Variants in NEO1 observed in about 807,000 individuals in gnomAD.
The protein encoded by NEO1 is neogenin 1.
Under a neutral mutation model 159.7 loss-of-function variants are expected in NEO1, and 63 were observed. The observed-to-expected ratio is 0.39, with a 90% CI of 0.32 to 0.49. The LOEUF (loss-of-function observed/expected upper bound fraction) is 0.49, where lower values mean the gene tolerates loss of function less well. Ranked by LOEUF, NEO1 falls within the 20% of genes least tolerant of loss-of-function variation. The pLI, the probability that NEO1 is intolerant of heterozygous loss-of-function variation, is 0.85. For missense variants in NEO1, 1,615 were observed against 1,831.0 expected (o/e 0.88, Z 2.15); for synonymous variants, 633 against 662.0 (o/e 0.96, Z 0.67).
rs571601916 is a variant in NEO1, at chr15:73,067,975, G to A, written c.130+15170G>A. Among the ~76,000 whole-genome samples the A allele has an allele frequency of 2.0e-5, 3 of 152,200 alleles. No individual in the cohort carries two copies. The South Asian group carries it at 6.2e-4, about 32-fold the overall frequency. ...CTGTTCTAATATTTCAGGTATAGAT[G>A]AAAGAAGAGAAAGTTTTAGATTTGC... On this transcript the variant is annotated intron_variant, in intron 1 of 28. Transcript: ENST00000261908.
chr15:73,121,100 A>C (rs2071620125), intron 2 of NEO1, among the ~76,000 whole-genome samples: 1 of 152,186 alleles, frequency 6.6e-6, no homozygotes, highest in South Asian at 2.1e-4. Context: ...AGATAACCAC[A>C]GATGTCCATC....
intron 1 of NEO1, among the ~76,000 whole-genome samples, chr15:73,064,764 G>A (rs1255663134): frequency 6.6e-6 from 1 of 152,080 alleles, no homozygotes; most frequent in Non-Finnish European, 1.5e-5. Context: ...ACTACACTTG[G>A]CCCTGTAGTC....
chr15:73,095,184 G>A (rs1197528329), intron 1 of NEO1, among the ~76,000 whole-genome samples: 2 of 150,892 alleles, frequency 1.3e-5, no homozygotes, highest in African/African-American at 4.9e-5. Flanking sequence ...ACTCCAGCCT[G>A]GCGACAGAGT....
chr15:73,107,521 T>C (rs2070754159), intron 1 of NEO1, among the ~76,000 whole-genome samples: 1 of 152,206 alleles, frequency 6.6e-6, no homozygotes. Context: ...AATACTAGTA[T>C]CATTGCCCAT....
intron 7 of NEO1, among the ~76,000 whole-genome samples, chr15:73,213,129 A>G (rs1174257026): frequency 6.6e-6 from 1 of 152,174 alleles, no homozygotes; most frequent in Admixed American, 6.5e-5. Context: ...ATTTTTCAAT[A>G]AAAAGATGAA....
At chr15:73,257,132 C>CAAAAAAAGAAAA (rs2040397277) in intron 13 of NEO1, among the ~76,000 whole-genome samples, 1 of 54,768 alleles carries the variant, frequency 1.8e-5, no homozygotes, top group African/African-American at 5.8e-5. Context: ...ACTCTGTCTC[C>CAAAAAAAGAAAA]AAAAAAAAAA....
chr15:73,293,664 A>T, intron 26 of NEO1, 116 bp downstream of exon 26: 2 of 1,094,412 alleles, frequency 1.8e-6, no homozygotes, highest in South Asian at 1.7e-5. Flanking sequence ...GTTTTATTTA[A>T]CTTAGCATAA....
intron 13 of NEO1, 55 bp downstream of exon 13, chr15:73,254,884 A>C: frequency 1.3e-6 from 2 of 1,568,294 alleles, no homozygotes; most frequent in Non-Finnish European, 1.7e-6. Flanking sequence ...CAGATATTGA[A>C]TTATGCTAGT....
chr15:73,235,785 A>G (rs921249242), intron 7 of NEO1, among the ~76,000 whole-genome samples: 1 of 152,218 alleles, frequency 6.6e-6, no homozygotes, highest in South Asian at 2.1e-4. Context: ...GTGGCCCTCA[A>G]TTCTCCTGCA....
intron 26 of NEO1, among the ~76,000 whole-genome samples, chr15:73,297,143 C>A (rs752093645): frequency 1.3e-5 from 2 of 152,134 alleles, no homozygotes; most frequent in Non-Finnish European, 2.9e-5. Flanking sequence ...GTGGTCTCCC[C>A]GGGCCTTGGT....
intron 5 of NEO1, among the ~76,000 whole-genome samples, chr15:73,167,204 A>G (rs992739880): frequency 4.0e-5 from 6 of 151,772 alleles, no homozygotes; most frequent in Admixed American, 3.3e-4. Context: ...CAGCACACCA[A>G]CATGGCACTT....
intron 15 of NEO1, among the ~76,000 whole-genome samples, chr15:73,264,255 G>A (rs924672604): frequency 2.6e-5 from 4 of 152,108 alleles, no homozygotes; most frequent in Non-Finnish European, 5.9e-5. Flanking sequence ...CTACTGATGT[G>A]AAACTCCTTT....
chr15:73,120,506 T>C (rs1031933440), intron 2 of NEO1, among the ~76,000 whole-genome samples: 1 of 152,000 alleles, frequency 6.6e-6, no homozygotes, highest in African/African-American at 2.4e-5. Flanking sequence ...TTTCTCATGA[T>C]TTGTTTGCTC....
chr15:73,234,274 C>T (rs929120304), intron 7 of NEO1, among the ~76,000 whole-genome samples: 2 of 152,152 alleles, frequency 1.3e-5, no homozygotes, highest in Non-Finnish European at 2.9e-5. Context: ...TCATTTGCAT[C>T]TCATTTATTC....
chr15:73,286,687 G>A (rs1481160479), intron 23 of NEO1, among the ~76,000 whole-genome samples: 1 of 152,134 alleles, frequency 6.6e-6, no homozygotes, highest in African/African-American at 2.4e-5. Context: ...CATCTTTTCA[G>A]GCAAACCCGC....
chr15:73,154,568 C>A (rs1019046169), intron 5 of NEO1, among the ~76,000 whole-genome samples: 1 of 152,154 alleles, frequency 6.6e-6, no homozygotes, highest in African/African-American at 2.4e-5. Flanking sequence ...TTTTAGCTCC[C>A]ACAAATAAGT....
chr15:73,102,209 T>C (rs1300445662), intron 1 of NEO1, among the ~76,000 whole-genome samples: 1 of 151,924 alleles, frequency 6.6e-6, no homozygotes, highest in Non-Finnish European at 1.5e-5. Flanking sequence ...CTACTAAAAA[T>C]ACAAAAATTA....
At chr15:73,071,567 A>C (rs1263473256) in intron 1 of NEO1, among the ~76,000 whole-genome samples, 1 of 151,872 alleles carries the variant, frequency 6.6e-6, no homozygotes, top group Non-Finnish European at 1.5e-5. Flanking sequence ...TCACTCCATC[A>C]CCCAGGCTGG....
At chr15:73,078,582 A>G (rs933848829) in intron 1 of NEO1, among the ~76,000 whole-genome samples, 1 of 152,232 alleles carries the variant, frequency 6.6e-6, no homozygotes, top group Non-Finnish European at 1.5e-5. Context: ...AAGTGTTCTT[A>G]AAAGATTTTA....
Sources: allele counts gnomAD v4.1 joint callset (sites outside exome capture counted in the v4.1 genomes callset), GRCh38; gene constraint gnomAD v4.1.1; transcripts MANE v1.5; gene names NCBI Gene and HGNC (gene_info 2026-07-23, HGNC 2026-07-21).